SHB: variants seen among roughly 807,000 people sequenced by gnomAD.
The protein encoded by SHB is SH2 domain containing adaptor protein B.
A neutral mutation model predicts 52.3 loss-of-function variants in SHB; 20 were observed. The ratio of observed to expected loss-of-function variants is 0.38; its 90% CI spans 0.27 to 0.56. The LOEUF is 0.56. SHB is among the 20% of genes least tolerant of loss of function. SHB has a pLI of 0.71. For synonymous variants in SHB, 397 were observed against 316.5 expected, an observed-to-expected ratio of 1.25 and a Z score of -2.70; for missense variants, 825 against 723.3, an observed-to-expected ratio of 1.14 and a Z score of -1.61.
intron 1 of SHB, among the ~76,000 whole-genome samples, chr9:38,041,295 G>A (rs1314523738): frequency 1.3e-5 from 2 of 152,178 alleles, no homozygotes; most frequent in Non-Finnish European, 2.9e-5. Context: ...ACGCACCGGT[G>A]AATCCACCAG....
At chr9:38,044,054 C>A (rs951733852) in intron 1 of SHB, among the ~76,000 whole-genome samples, 1 of 152,254 alleles carries the variant, frequency 6.6e-6, no homozygotes, top group Non-Finnish European at 1.5e-5. Context: ...TGCCTGGCAG[C>A]CCACTCTAAC....
intron 2 of SHB, among the ~76,000 whole-genome samples, chr9:37,995,461 T>TCTGGCAGAGGGG (rs77102998): frequency 0.43 from 64,790 of 151,846 alleles, 14,186 homozygotes; most frequent in Middle Eastern, 0.5. Flanking sequence ...TTTTCCCAGC[T>TCTGGCAGAGGGG]CTGGCCACTG....
At chr9:38,051,675 T>C (rs1444152622) in intron 1 of SHB, among the ~76,000 whole-genome samples, 1 of 152,116 alleles carries the variant, frequency 6.6e-6, no homozygotes, top group Non-Finnish European at 1.5e-5. Flanking sequence ...GGCTTTCAGA[T>C]GATCCAGAGC....
chr9:37,924,406 C>T (rs1832221039), intron 5 of SHB, among the ~76,000 whole-genome samples: 1 of 152,190 alleles, frequency 6.6e-6, no homozygotes, highest in Non-Finnish European at 1.5e-5. Context: ...ATGAAGAATC[C>T]TGGGTAATAG....
At chr9:38,001,387 G>GGA (rs1821011368) in intron 2 of SHB, among the ~76,000 whole-genome samples, 1 of 152,246 alleles carries the variant, frequency 6.6e-6, no homozygotes, top group South Asian at 2.1e-4. Context: ...GTGTAATTAA[G>GGA]GACGATAATT....
chr9:38,021,018 GA>G (rs1821275463), intron 1 of SHB, among the ~76,000 whole-genome samples: 1 of 152,188 alleles, frequency 6.6e-6, no homozygotes, highest in African/African-American at 2.4e-5. Flanking sequence ...AATCTCTGCT[GA>G]AATTGCTCAA....
chr9:37,937,671 A>C (rs1832389424), intron 5 of SHB, among the ~76,000 whole-genome samples: 1 of 152,244 alleles, frequency 6.6e-6, no homozygotes, highest in African/African-American at 2.4e-5. Flanking sequence ...TTATAGCCCT[A>C]GCATTTGAAC....
At chr9:37,938,031 C>T (rs1331983099) in intron 5 of SHB, among the ~76,000 whole-genome samples, 1 of 152,234 alleles carries the variant, frequency 6.6e-6, no homozygotes, top group Non-Finnish European at 1.5e-5. Flanking sequence ...CTTCAAGCCC[C>T]ACCGAATGCC....
intron 5 of SHB, among the ~76,000 whole-genome samples, chr9:37,938,995 A>G (rs1221605563): frequency 6.6e-6 from 1 of 152,030 alleles, no homozygotes; most frequent in Non-Finnish European, 1.5e-5. Context: ...CTGCTCCGAA[A>G]TCTGGATGTG....
At chr9:37,995,908 C>T (rs991447024) in intron 2 of SHB, among the ~76,000 whole-genome samples, 4 of 152,168 alleles carry the variant, frequency 2.6e-5, no homozygotes, top group Admixed American at 1.3e-4. Flanking sequence ...AGGCAGGTGT[C>T]TTTGAACATC....
In SHB at chr9:37,952,457, T is replaced by C. The variant is rs566393941; in HGVS notation, c.1226+3426A>G. ...GGCACTGTGAGCAGCGGGCAGGAGG[T>C]AGGCCCAGTTCTTGTGCCCAGGAGG... On this transcript the variant is annotated intron_variant, in intron 4 of 5. Transcript: ENST00000377707. Among the ~76,000 whole-genome samples, 3 of 152,256 alleles carry C rather than the reference T, an allele frequency of 2.0e-5. No homozygotes were observed. The South Asian group carries it at 6.2e-4, about 32-fold the overall frequency.
At position 37,956,000 on chromosome 9, in the gene SHB, C is replaced by T. The variant is rs369920174; in HGVS notation, c.1109G>A (p.Arg370Gln). ...RQSSPSPSRD[R>Q]RRQLRAPGGG... ...TCCAGGGGCACGAAGCTGGCGCCGC[C>T]GGTCCCGCGAAGGTGAGGGGGATGA... Residue 370 changes from arginine (R) to glutamine (Q), a missense_variant, in exon 4 of 6, where the codon CGG (arginine) becomes CAG (glutamine). By Grantham distance (43) the Arg-to-Gln change is conservative (BLOSUM62 1). Transcript: ENST00000377707. 35 of 1,592,774 alleles carry T rather than the reference C, an allele frequency of 2.2e-5. No individual in the cohort carries two copies. Among genetic ancestry groups the T allele is most frequent in the African/African-American group, 2.1e-4 (16 of 74,810 alleles).
chr9:37,925,462 G>A (rs188787870), intron 5 of SHB, among the ~76,000 whole-genome samples: 1 of 152,330 alleles, frequency 6.6e-6, no homozygotes, highest in East Asian at 1.9e-4. Context: ...GGAGGCCACA[G>A]GGAAGAATGC....
chr9:38,049,635 CAAAAAAAA>C (rs147034881), intron 1 of SHB, among the ~76,000 whole-genome samples: 2 of 68,492 alleles, frequency 2.9e-5, no homozygotes, highest in East Asian at 4.1e-4. Flanking sequence ...AAAAACAAAG[CAAAAAAAA>C]AAAAAAAAAG....
At chr9:38,067,021 G>A (rs1467285027) in intron 1 of SHB, among the ~76,000 whole-genome samples, 1 of 152,166 alleles carries the variant, frequency 6.6e-6, no homozygotes, top group African/African-American at 2.4e-5. Context: ...ATTATTTTAT[G>A]GGGGAAGGGA....
chr9:37,943,877 T>C (rs527240765), intron 5 of SHB, among the ~76,000 whole-genome samples: 1 of 152,352 alleles, frequency 6.6e-6, no homozygotes. Flanking sequence ...TTGCCAAGAC[T>C]CATTCGCAGG....
chr9:38,038,228 G>A (rs929630647), intron 1 of SHB, among the ~76,000 whole-genome samples: 4 of 152,144 alleles, frequency 2.6e-5, no homozygotes, highest in South Asian at 4.1e-4. Flanking sequence ...GGCACCAGGC[G>A]TGGTCAGGTC....
At chr9:37,946,244 C>T (rs1832489868) in intron 5 of SHB, among the ~76,000 whole-genome samples, 1 of 152,210 alleles carries the variant, frequency 6.6e-6, no homozygotes, top group African/African-American at 2.4e-5. Flanking sequence ...GGACTGCATG[C>T]CTACGCTGTG....
In SHB at chr9:37,937,109, A is replaced by C. The variant is rs112009891; in HGVS notation, c.1346+11526T>G. 9.5e-3 allele frequency among the ~76,000 whole-genome samples: 1,447 copies of C among 152,284 alleles called. 26 individuals carry two copies. Among genetic ancestry groups the C allele is most frequent in the African/African-American group, 0.033 (1,366 of 41,558 alleles). On this transcript the variant is annotated intron_variant, in intron 5 of 5. Coordinates refer to ENST00000377707, the MANE Select transcript of SHB (RefSeq NM_003028.3). ...GCTTTGTCTTCTGCCACACCTCTGT[A>C]CATCACAGTACTTCCCTACTGTCCT...
Sources: allele counts gnomAD v4.1 joint callset (sites outside exome capture counted in the v4.1 genomes callset), GRCh38; gene constraint gnomAD v4.1.1; transcripts MANE v1.5; gene names NCBI Gene and HGNC (gene_info 2026-07-23, HGNC 2026-07-21).